LRMDA: variants seen among roughly 807,000 people sequenced by gnomAD.
LRMDA encodes leucine-rich melanocyte differentiation-associated protein.
A neutral mutation model predicts 29.8 loss-of-function variants in LRMDA; 18 were observed. The observed-to-expected ratio is 0.60, with a 90% CI of 0.42 to 0.90. LRMDA has a LOEUF of 0.90. Ranked by LOEUF, LRMDA falls within the 40% of genes least tolerant of loss-of-function variation. The probability of loss-of-function intolerance (pLI) is 0.00; values close to 1 mark genes in which losing one functional copy is unlikely to be tolerated. For synonymous variants in LRMDA, 125 were observed against 109.4 expected (o/e 1.14, Z -0.89); for missense variants, 273 against 273.9 (o/e 1.00, Z 0.02).
intron 2 of LRMDA, among the ~76,000 whole-genome samples, chr10:75,583,691 T>A (rs2132078714): frequency 6.6e-6 from 1 of 152,192 alleles, no homozygotes; most frequent in East Asian, 1.9e-4. Context: ...ATCAGCTTTC[T>A]CCTCCTCTTG....
intron 2 of LRMDA, among the ~76,000 whole-genome samples, chr10:75,883,062 C>T (rs560740420): frequency 6.6e-6 from 1 of 152,140 alleles, no homozygotes; most frequent in Non-Finnish European, 1.5e-5. Flanking sequence ...ATGCACAATC[C>T]CCCAGGTCAG....
intron 2 of LRMDA, among the ~76,000 whole-genome samples, chr10:75,740,193 C>T (rs533799612): frequency 1.2e-4 from 19 of 152,252 alleles, no homozygotes; most frequent in Admixed American, 3.3e-4. Flanking sequence ...ATTCCTCTCC[C>T]ATGCCATCGA....
intron 2 of LRMDA, among the ~76,000 whole-genome samples, chr10:75,526,807 T>C (rs1300670046): frequency 1.3e-5 from 2 of 151,512 alleles, no homozygotes; most frequent in East Asian, 3.9e-4. Flanking sequence ...TTCAGTGAGC[T>C]GTGTTCATAC....
chr10:76,228,025 CTTTT>C (rs35074858), intron 5 of LRMDA, among the ~76,000 whole-genome samples: 6 of 140,320 alleles, frequency 4.3e-5, no homozygotes, highest in Admixed American at 7.1e-5. Flanking sequence ...AATTGTTAGT[CTTTT>C]TTTTTTTTTT....
At chr10:75,681,767 G>T (rs1302895158) in intron 2 of LRMDA, among the ~76,000 whole-genome samples, 1 of 152,336 alleles carries the variant, frequency 6.6e-6, no homozygotes, top group East Asian at 1.9e-4. Flanking sequence ...GAGGGGAAAC[G>T]AGTGACTGTT....
chr10:76,399,521 T>C (rs1252185856), intron 6 of LRMDA, among the ~76,000 whole-genome samples: 1 of 152,246 alleles, frequency 6.6e-6, no homozygotes, highest in East Asian at 1.9e-4. Context: ...AGCTGTCATT[T>C]GTGTACAGAT....
chr10:75,914,819 A>G (rs1845902127), intron 2 of LRMDA, among the ~76,000 whole-genome samples: 1 of 152,246 alleles, frequency 6.6e-6, no homozygotes, highest in African/African-American at 2.4e-5. Flanking sequence ...TCATCCAGAT[A>G]TATTAGTAGA....
chr10:75,960,041 T>C (rs1239595485), intron 2 of LRMDA, among the ~76,000 whole-genome samples: 1 of 152,224 alleles, frequency 6.6e-6, no homozygotes, highest in African/African-American at 2.4e-5. Flanking sequence ...TTTCCTACCC[T>C]CTGCTACTCT....
In LRMDA at chr10:75,604,349, GA is replaced by G. The variant is rs1276238795; in HGVS notation, c.131+165856del. On this transcript the variant is annotated intron_variant, in intron 2 of 6. Coordinates refer to ENST00000611255, the MANE Select transcript of LRMDA (RefSeq NM_001305581.2). ...TATAGTGAAAGATATGAAATTCTAGGAGTATTAGTGTGGGGCCAGAATGCTT... is the reference window on the plus strand; with the variant it reads ...TATAGTGAAAGATATGAAATTCTAGGGTATTAGTGTGGGGCCAGAATGCTT... Among the ~76,000 whole-genome samples the G allele has an allele frequency of 8.5e-5, 13 of 152,240 alleles. No individual in the cohort carries two copies. The East Asian group carries it at 9.6e-4, about 11-fold the overall frequency.
chr10:76,055,917 C>T (rs1848607704), intron 4 of LRMDA, among the ~76,000 whole-genome samples: 2 of 152,236 alleles, frequency 1.3e-5, no homozygotes, highest in South Asian at 4.1e-4. Flanking sequence ...GCTCTTCTCT[C>T]TGTCTCATCA....
At chr10:76,306,373 G>T (rs576778390) in intron 5 of LRMDA, among the ~76,000 whole-genome samples, 1 of 152,236 alleles carries the variant, frequency 6.6e-6, no homozygotes, top group Non-Finnish European at 1.5e-5. Flanking sequence ...TATAGTGGGT[G>T]CTGTTGAATT....
intron 2 of LRMDA, among the ~76,000 whole-genome samples, chr10:75,901,988 CAAATT>C (rs1161777678): frequency 6.6e-6 from 1 of 152,142 alleles, no homozygotes; most frequent in South Asian, 2.1e-4. Context: ...TGACAGCAGA[CAAATT>C]AAACTGAAGT....
chr10:75,956,064 G>T (rs1320835679), intron 2 of LRMDA, among the ~76,000 whole-genome samples: 1 of 152,152 alleles, frequency 6.6e-6, no homozygotes, highest in African/African-American at 2.4e-5. Flanking sequence ...CTAGCTCAGG[G>T]TCTCTAAAGA....
chr10:76,103,305 T>G (rs1484915770), intron 5 of LRMDA, among the ~76,000 whole-genome samples: 1 of 152,186 alleles, frequency 6.6e-6, no homozygotes, highest in Non-Finnish European at 1.5e-5. Flanking sequence ...GAGGTTGTTT[T>G]TAACAATAAG....
chr10:76,188,734 T>A (rs1274001161), intron 5 of LRMDA, among the ~76,000 whole-genome samples: 1 of 152,118 alleles, frequency 6.6e-6, no homozygotes, highest in Non-Finnish European at 1.5e-5. Flanking sequence ...TGGAAGGGAA[T>A]GTTTTATCTG....
intron 2 of LRMDA, among the ~76,000 whole-genome samples, chr10:75,498,185 C>G (rs1845070172): frequency 6.6e-6 from 1 of 152,170 alleles, no homozygotes; most frequent in East Asian, 1.9e-4. Context: ...CCTAAGTCCC[C>G]TTTGATCTCA....
chr10:75,571,332 A>G (rs1840435177), intron 2 of LRMDA, among the ~76,000 whole-genome samples: 1 of 152,196 alleles, frequency 6.6e-6, no homozygotes, highest in Non-Finnish European at 1.5e-5. Flanking sequence ...GTGTTCTGCC[A>G]CATTGTGTGG....
At chr10:76,109,655 C>T (rs900970976) in intron 5 of LRMDA, among the ~76,000 whole-genome samples, 3 of 152,160 alleles carry the variant, frequency 2.0e-5, no homozygotes, top group Admixed American at 6.5e-5. Context: ...ACTTATTCAG[C>T]GATTCAGTGC....
chr10:75,527,844 G>A (rs1166177961), intron 2 of LRMDA, among the ~76,000 whole-genome samples: 2 of 150,874 alleles, frequency 1.3e-5, no homozygotes, highest in East Asian at 1.9e-4. Flanking sequence ...GTGCAGTGGG[G>A]GGATTTTGGC....
Sources: gnomAD v4.1 joint callset for allele counts (sites outside exome capture counted in the v4.1 genomes callset) on GRCh38, gnomAD v4.1.1 for gene constraint, MANE v1.5 for transcripts, NCBI Gene and HGNC (gene_info 2026-07-23, HGNC 2026-07-21) for gene names.